Variants in DNAH17 observed in about 807,000 individuals in gnomAD.
DNAH17 encodes the protein dynein axonemal heavy chain 17.
DNAH17 carries 376 observed loss-of-function variants against 485.6 expected under a neutral mutation model. That is an observed-to-expected ratio of 0.77 (90% CI 0.71 to 0.84). The LOEUF is 0.84. Among genes scored for constraint, DNAH17 ranks in the 40% least tolerant of loss-of-function variants. DNAH17 has a pLI of 0.00. For missense variants in DNAH17, 6,370 were observed against 5,839.3 expected (o/e 1.09, Z -2.96); for synonymous variants, 3,031 against 2,405.9 (o/e 1.26, Z -7.60).
At chr17:78,439,546 C>T (rs930712085) in intron 72 of DNAH17, among the ~76,000 whole-genome samples, 1 of 152,040 alleles carries the variant, frequency 6.6e-6, no homozygotes, top group African/African-American at 2.4e-5. Context: ...ATGGATTTAT[C>T]CATTCTGGAT....
At chr17:78,481,188 C>T (rs919899050) in intron 48 of DNAH17, among the ~76,000 whole-genome samples, 6 of 151,424 alleles carry the variant, frequency 4.0e-5, no homozygotes, top group East Asian at 3.9e-4. Context: ...CTGCAACCTC[C>T]GCCTCCTGGG....
At chr17:78,472,705 A>T (rs1463211801) in intron 54 of DNAH17, 3 of 454,958 alleles carry the variant, frequency 6.6e-6, no homozygotes, top group South Asian at 3.1e-5. Context: ...CCCCGAGGTC[A>T]CGCACGCTGT....
At chr17:78,484,492 C>T (rs1295533954) in intron 48 of DNAH17, among the ~76,000 whole-genome samples, 2 of 152,142 alleles carry the variant, frequency 1.3e-5, no homozygotes, top group African/African-American at 4.8e-5. Context: ...GGGGGTTTTC[C>T]TCAGGGCTCT....
intron 19 of DNAH17, 110 bp from the exon 20 acceptor site, chr17:78,532,846 C>A (rs1278459937): frequency 2.2e-5 from 28 of 1,260,268 alleles, no homozygotes; most frequent in Non-Finnish European, 2.9e-5. Flanking sequence ...AAAGGGCTTC[C>A]AATCTCTCAT....
In DNAH17 at chr17:78,574,986, C is replaced by T. The variant is rs572975462; in HGVS notation, c.72G>A (p.Pro24=). ...CGCCTATCAGCTTGCTCCACTTGTC[C>T]GGCTTGAACTTCAGGACGATGGAGG... ...EVASIVLKFK[P]DKWSKLIGAE... The change falls in exon 2 of 81, where the codon CCG becomes CCA. Residue 24 remains proline (P), a synonymous_variant. Transcript: ENST00000389840. The T allele has an allele frequency of 2.6e-5, 42 of 1,613,986 alleles. No homozygotes were observed. In the Middle Eastern group the frequency reaches 4.9e-4, roughly 19 times the overall value.
intron 48 of DNAH17, among the ~76,000 whole-genome samples, chr17:78,481,094 C>T (rs1401112909): frequency 7.0e-6 from 1 of 143,816 alleles, no homozygotes; most frequent in African/African-American, 2.6e-5. Context: ...CACGCCCGCC[C>T]CCCATCCCCC....
At chr17:78,495,831 G>A (rs767917609) in intron 38 of DNAH17, 44 bp downstream of exon 38, 68 of 1,587,146 alleles carry the variant, frequency 4.3e-5, no homozygotes, top group African/African-American at 2.0e-4. Flanking sequence ...TGCTGTGGCC[G>A]GCCTGGCTCA....
chr17:78,460,124 C>A, intron 59 of DNAH17, 38 bp downstream of exon 59: 1 of 1,581,484 alleles, frequency 6.3e-7, no homozygotes, highest in African/African-American at 1.3e-5. Flanking sequence ...TCCTCTCCAA[C>A]CAGGCCAGGG....
chr17:78,492,926 A>G (rs2146679158), intron 41 of DNAH17, among the ~76,000 whole-genome samples, 161 bp from the exon 42 acceptor site: 1 of 134,676 alleles, frequency 7.4e-6, no homozygotes, highest in East Asian at 2.4e-4. Flanking sequence ...ATCTCAGCTC[A>G]CTGCAACCTC....
At chr17:78,544,954 G>A (rs1477712300) in intron 16 of DNAH17, among the ~76,000 whole-genome samples, 1 of 150,036 alleles carries the variant, frequency 6.7e-6, no homozygotes, top group African/African-American at 2.5e-5. Context: ...AGTTTTTTTT[G>A]TCAAAAAACA....
chr17:78,550,566 G>A (rs1372717430), intron 16 of DNAH17, among the ~76,000 whole-genome samples: 2 of 152,220 alleles, frequency 1.3e-5, no homozygotes, highest in Non-Finnish European at 2.9e-5. Flanking sequence ...CACAGAGGGA[G>A]GACCCTGTGA....
At position 78,507,523 on chromosome 17, in the gene DNAH17, C is replaced by G; in HGVS notation, c.4519G>C (p.Glu1507Gln). The change falls in exon 28 of 81, where the codon GAA becomes CAA. Residue 1507 changes from glutamate (E) to glutamine (Q), a missense_variant. Physicochemically the swap from Glu to Gln is conservative, Grantham distance 29. Transcript: ENST00000389840. ...CCCGGGAGCTGGGTGCGGATGTCTTCGGAGCCGATGAAGATGCTCTCCAGG... is the reference window on the plus strand; with the variant it reads ...CCCGGGAGCTGGGTGCGGATGTCTTGGGAGCCGATGAAGATGCTCTCCAGG... The part of the protein sequence containing the change: ...SHLESIFIGS[E>Q]DIRTQLPGDS... 1 of 1,614,002 alleles carries G rather than the reference C, an allele frequency of 6.2e-7. No individual in the cohort carries two copies.
rs143920069 is a variant in DNAH17 at position 78,428,625 on chromosome 17, A to C, written c.12488T>G (p.Phe4163Cys). 3.5e-5 allele frequency: 57 copies of C among 1,613,940 alleles called. No homozygotes were observed. The East Asian group carries it at 1.2e-3, about 35-fold the overall frequency. Residue 4163 changes from phenylalanine to cysteine, a missense_variant, in exon 77 of 81, where the codon TTT (phenylalanine) becomes TGT (cysteine). Physicochemically the swap from Phe to Cys is radical, Grantham distance 205 (BLOSUM62 -2). Transcript: ENST00000389840. The part of the protein sequence containing the change: ...YGLHPNAEIG[F>C]LTVTSEKLFR... ...CAGCTTCTCTGAGGTGACCGTCAGA[A>C]AGCCAATCTCTGCGTTGGGGTGCAG...
intron 58 of DNAH17, among the ~76,000 whole-genome samples, chr17:78,461,236 C>G (rs1261773610): frequency 6.6e-6 from 1 of 152,176 alleles, no homozygotes; most frequent in Non-Finnish European, 1.5e-5. Context: ...TTGAGCAGAG[C>G]TGAGCTGGAG....
intron 69 of DNAH17, among the ~76,000 whole-genome samples, chr17:78,448,146 C>T (rs941238090): frequency 6.6e-5 from 10 of 150,810 alleles, no homozygotes; most frequent in South Asian, 2.1e-4. Context: ...CACCCCAGCC[C>T]GGGCAACAAG....
chr17:78,559,868 C>A (rs759850148), intron 13 of DNAH17, among the ~76,000 whole-genome samples: 3 of 152,134 alleles, frequency 2.0e-5, no homozygotes, highest in African/African-American at 7.2e-5. Flanking sequence ...GGCTCTCGGG[C>A]GCCACCTGGC....
intron 13 of DNAH17, among the ~76,000 whole-genome samples, chr17:78,560,123 G>C (rs1369551269): frequency 1.3e-5 from 2 of 152,000 alleles, no homozygotes; most frequent in Non-Finnish European, 2.9e-5. Context: ...CTCCTGCCTG[G>C]AGGTAGGCTC....
In DNAH17 at chr17:78,445,649, A is replaced by T; in HGVS notation, c.11243T>A (p.Val3748Glu). 1 of 1,577,264 alleles carries T rather than the reference A, an allele frequency of 6.3e-7. No homozygotes were observed. The highest frequency in any genetic ancestry group is 8.6e-7 in the Non-Finnish European group (1 of 1,161,498). Residue 3748 changes from valine (V) to glutamate (E), a missense_variant, in exon 70 of 81, where the codon GTG becomes GAG. Val to Glu is a moderately radical substitution (Grantham distance 121). Transcript: ENST00000389840. ...VLSMKKELNP[V>E]ELDFLLRFPF... Reference sequence around the variant, plus strand: ...GAACCGCAGGAGGAAATCCAGCTCCACTGGGTTCAGCTCCTTCTTCATGGA... The same window carrying T: ...GAACCGCAGGAGGAAATCCAGCTCCTCTGGGTTCAGCTCCTTCTTCATGGA...
intron 37 of DNAH17, among the ~76,000 whole-genome samples, chr17:78,497,278 AG>A (rs2090109738): frequency 6.6e-6 from 1 of 152,102 alleles, no homozygotes; most frequent in Non-Finnish European, 1.5e-5. Context: ...TCACCACTTG[AG>A]GGGGCCCAAT....
Sources: gnomAD v4.1 joint callset for allele counts (sites outside exome capture counted in the v4.1 genomes callset) on GRCh38, gnomAD v4.1.1 for gene constraint, MANE v1.5 for transcripts, NCBI Gene and HGNC (gene_info 2026-07-23, HGNC 2026-07-21) for gene names.